MAGI2: variants seen among roughly 807,000 people sequenced by gnomAD.
MAGI2 encodes the protein membrane associated guanylate kinase, WW and PDZ domain containing 2, also known as membrane-associated guanylate kinase, WW and PDZ domain-containing protein 2.
A neutral mutation model predicts 133.3 loss-of-function variants in MAGI2; 35 were observed. The ratio of observed to expected loss-of-function variants is 0.26; its 90% CI spans 0.20 to 0.35. MAGI2 has a LOEUF of 0.35. Ranked by LOEUF, MAGI2 falls within the 10% of genes least tolerant of loss-of-function variation. The pLI is 1.00. For synonymous variants in MAGI2, 729 were observed against 710.6 expected, an observed-to-expected ratio of 1.03 and a Z score of -0.41; for missense variants, 1,636 against 1,863.4, an observed-to-expected ratio of 0.88 and a Z score of 2.25.
At chr7:78,134,873 A>G (rs1025924745) in intron 17 of MAGI2, 148 bp downstream of exon 17, 12 of 652,136 alleles carry the variant, frequency 1.8e-5, no homozygotes, top group Non-Finnish European at 3.1e-5. Flanking sequence ...TTTTTGCAAA[A>G]GTGGAAATAA....
At chr7:78,843,901 T>A (rs1427885764) in intron 2 of MAGI2, among the ~76,000 whole-genome samples, 4 of 150,562 alleles carry the variant, frequency 2.7e-5, no homozygotes, top group African/African-American at 9.7e-5. Context: ...AAATGCAGAT[T>A]TTGAGGCAGC....
At chr7:78,539,867 T>C (rs1240356241) in intron 3 of MAGI2, among the ~76,000 whole-genome samples, 1 of 152,216 alleles carries the variant, frequency 6.6e-6, no homozygotes, top group Non-Finnish European at 1.5e-5. Context: ...TGAATGCTGA[T>C]TGTGCTGACA....
chr7:79,229,427 A>C (rs1196469908), intron 1 of MAGI2, among the ~76,000 whole-genome samples: 1 of 152,224 alleles, frequency 6.6e-6, no homozygotes, highest in Non-Finnish European at 1.5e-5. Flanking sequence ...AGAGATCGGC[A>C]TAGAAGGGGG....
intron 20 of MAGI2, among the ~76,000 whole-genome samples, chr7:78,105,879 T>G (rs1320821753): frequency 6.6e-6 from 1 of 152,076 alleles, no homozygotes; most frequent in African/African-American, 2.4e-5. Flanking sequence ...CAATTCTACT[T>G]ATATTTTTAA....
chr7:78,629,134 A>T (rs540022282), intron 2 of MAGI2, among the ~76,000 whole-genome samples: 34 of 152,242 alleles, frequency 2.2e-4, no homozygotes, highest in Middle Eastern at 3.4e-3. Context: ...GAACATTTGT[A>T]GTTGTGCTCT....
intron 1 of MAGI2, among the ~76,000 whole-genome samples, chr7:79,020,786 A>G (rs1809247633): frequency 6.6e-6 from 1 of 151,998 alleles, no homozygotes; most frequent in Non-Finnish European, 1.5e-5. Flanking sequence ...AAAGGAAAGA[A>G]AAAAGAAATG....
intron 2 of MAGI2, among the ~76,000 whole-genome samples, chr7:78,636,589 G>A (rs997636025): frequency 6.6e-5 from 10 of 151,994 alleles, no homozygotes; most frequent in African/African-American, 2.2e-4. Flanking sequence ...GAGAGGTCAG[G>A]AGATAGAGAC....
At chr7:78,359,065 G>A (rs1453513406) in intron 7 of MAGI2, 1 of 152,282 alleles carries the variant, frequency 6.6e-6, no homozygotes, top group African/African-American at 2.4e-5. Context: ...CTTAGTCACT[G>A]CCTTTCTATA....
chr7:79,022,217 A>C (rs1351969629), intron 1 of MAGI2, among the ~76,000 whole-genome samples: 2 of 152,228 alleles, frequency 1.3e-5, no homozygotes, highest in African/African-American at 4.8e-5. Flanking sequence ...ATTAATGCTA[A>C]GAAAATCACT....
intron 6 of MAGI2, among the ~76,000 whole-genome samples, chr7:78,457,115 T>C (rs957042817): frequency 1.3e-5 from 2 of 152,216 alleles, no homozygotes; most frequent in African/African-American, 4.8e-5. Context: ...TTCACCGTGT[T>C]TGAGGATGTC....
intron 4 of MAGI2, among the ~76,000 whole-genome samples, chr7:78,512,129 A>C (rs533204792): frequency 2.7e-5 from 4 of 148,984 alleles, no homozygotes; most frequent in Non-Finnish European, 5.9e-5. Flanking sequence ...TCTCAAAAAA[A>C]ATAAATTAAA....
At chr7:78,640,561 G>C (rs965632841) in intron 2 of MAGI2, among the ~76,000 whole-genome samples, 1 of 152,142 alleles carries the variant, frequency 6.6e-6, no homozygotes, top group Non-Finnish European at 1.5e-5. Flanking sequence ...CTCCTTTAGA[G>C]AGATCAAGAC....
At chr7:78,222,844 G>A (rs1584457064) in intron 10 of MAGI2, among the ~76,000 whole-genome samples, 1 of 152,148 alleles carries the variant, frequency 6.6e-6, no homozygotes, top group Admixed American at 6.5e-5. Flanking sequence ...CCCAGAACAT[G>A]GATATTTCTC....
chr7:78,624,487 T>C (rs565018005), intron 3 of MAGI2, among the ~76,000 whole-genome samples: 28 of 152,178 alleles, frequency 1.8e-4, no homozygotes, highest in Non-Finnish European at 3.2e-4. Context: ...TGAGATCATG[T>C]CCTTTGCAGG....
intron 1 of MAGI2, among the ~76,000 whole-genome samples, chr7:79,215,377 C>G (rs1829935524): frequency 6.6e-6 from 1 of 151,986 alleles, no homozygotes; most frequent in South Asian, 2.1e-4. Context: ...CCTTCACTTT[C>G]CAGTTTTTTT....
Position 78,672,781 on chromosome 7 carries a change from A to G in MAGI2, c.419-45542T>C, listed in dbSNP as rs115936674. ...ACTCTGGATTGAGGCCCAACAAACT[A>G]AATTTTAACAAGCCCTTCAGGTGAT... is the stretch of plus-strand genomic sequence containing the variant. On this transcript the variant is annotated intron_variant, in intron 2 of 21. Transcript: ENST00000354212. Among the ~76,000 whole-genome samples, 441 of 152,294 alleles carry G rather than the reference A, an allele frequency of 2.9e-3. 2 individuals are homozygous for G. Among genetic ancestry groups the G allele is most frequent in the Middle Eastern group, 0.014 (4 of 294 alleles).
chr7:78,852,378 T>G (rs944860618), intron 2 of MAGI2, among the ~76,000 whole-genome samples: 2 of 152,108 alleles, frequency 1.3e-5, no homozygotes, highest in African/African-American at 4.8e-5. Flanking sequence ...ACAGGAAACT[T>G]AAGTTTTATA....
intron 1 of MAGI2, among the ~76,000 whole-genome samples, chr7:79,182,189 T>A (rs1826680821): frequency 6.6e-6 from 1 of 152,014 alleles, no homozygotes; most frequent in Non-Finnish European, 1.5e-5. Context: ...GTTACCAATT[T>A]ACCATATTAG....
At chr7:78,402,782 G>A (rs59825513) in intron 6 of MAGI2, among the ~76,000 whole-genome samples, 42,916 of 152,022 alleles carry the variant, frequency 0.28, 6,688 homozygotes, top group Middle Eastern at 0.41. Context: ...ATTAATAATT[G>A]TTAAGCACAT....
Sources: gnomAD v4.1 joint callset for allele counts (sites outside exome capture counted in the v4.1 genomes callset) on GRCh38, gnomAD v4.1.1 for gene constraint, MANE v1.5 for transcripts, NCBI Gene and HGNC (gene_info 2026-07-23, HGNC 2026-07-21) for gene names.